The following EDA variants were observed in gnomAD, a reference collection of about 807,000 sequenced individuals.
The protein encoded by EDA is ectodysplasin A.
Under a neutral mutation model 23.6 loss-of-function variants are expected in EDA, and 2 were observed. The observed-to-expected ratio is 0.08, with a 90% CI of 0.03 to 0.27. EDA has a LOEUF of 0.27. EDA is among the 10% of genes least tolerant of loss of function. The probability of loss-of-function intolerance (pLI) is 1.00; values close to 1 mark genes in which losing one functional copy is unlikely to be tolerated. For synonymous variants in EDA, 131 were observed against 132.0 expected, an observed-to-expected ratio of 0.99 and a Z score of 0.05; for missense variants, 229 against 324.2, an observed-to-expected ratio of 0.71 and a Z score of 2.26.
chrX:69,738,346 G>A (rs1246887423), intron 1 of EDA, among the ~76,000 whole-genome samples: 1 of 108,828 alleles, frequency 9.2e-6, no homozygotes, highest in Admixed American at 1.0e-4. Context: ...AATCTTCAGA[G>A]CTTTCATTTT....
At chrX:69,653,866 A>T (rs1164369350) in intron 1 of EDA, among the ~76,000 whole-genome samples, 4 of 111,902 alleles carry the variant, frequency 3.6e-5, no homozygotes, top group Non-Finnish European at 5.6e-5. Context: ...AACCTAGGCA[A>T]TACCATTCAG....
At chrX:69,907,859 CAGA>C (rs199551848) in intron 1 of EDA, among the ~76,000 whole-genome samples, 1,376 of 110,161 alleles carry the variant, frequency 0.012, 13 homozygotes, top group African/African-American at 0.041. Flanking sequence ...TCTCTAATCC[CAGA>C]AGAACTAGAT....
At chrX:69,702,911 G>A (rs1287041437) in intron 1 of EDA, among the ~76,000 whole-genome samples, 3 of 110,705 alleles carry the variant, frequency 2.7e-5, no homozygotes, top group African/African-American at 9.9e-5. Context: ...AAAAGACAAG[G>A]TGTTTAGGGC....
chrX:69,970,416 C>T (rs910668256), intron 2 of EDA, among the ~76,000 whole-genome samples: 2 of 110,999 alleles, frequency 1.8e-5, no homozygotes, highest in African/African-American at 6.6e-5. Context: ...TTAGTATCAA[C>T]TGTAAAATGA....
At chrX:69,748,413 G>A (rs752443922) in intron 1 of EDA, among the ~76,000 whole-genome samples, 1 of 111,536 alleles carries the variant, frequency 9.0e-6, no homozygotes, top group Non-Finnish European at 1.9e-5. Flanking sequence ...ATGACCACAG[G>A]GATAGGCAAA....
chrX:69,902,509 G>A (rs981612088), intron 1 of EDA, among the ~76,000 whole-genome samples: 2 of 111,440 alleles, frequency 1.8e-5, no homozygotes, highest in African/African-American at 6.5e-5. Flanking sequence ...ATGGGGAACA[G>A]TCTGTAATGA....
intron 1 of EDA, among the ~76,000 whole-genome samples, chrX:69,681,118 A>C (rs766400455): frequency 0.014 from 1,541 of 111,067 alleles, 19 homozygotes; most frequent in African/African-American, 0.046. Flanking sequence ...TGGGTTGAAG[A>C]TTCTTTTCTT....
At position 69,677,002 on chromosome X, in the gene EDA, C is replaced by T. The variant is rs775851687; in HGVS notation, c.396+60298C>T. On this transcript the variant is annotated intron_variant, in intron 1 of 7. Transcript: ENST00000374552. ...CCTCCCCCCACCCCACAACTGGCCC[C>T]AGAGTGTGATGTTCCCCTTCCTGTG... is the stretch of plus-strand genomic sequence containing the variant. Among the ~76,000 whole-genome samples the T allele has an allele frequency of 2.3e-3, 191 of 84,721 alleles. 1 individual carries two copies. The highest frequency in any genetic ancestry group is 7.9e-3 in the African/African-American group (181 of 22,779). 73.6% of individuals were successfully genotyped at this position (84,721 alleles called of 115,157 possible). A position where few individuals can be genotyped will look rare whatever the true frequency, so the allele number is the denominator to read the frequency against.
In EDA at chrX:69,645,588, ATATATGTGTGTGTG is replaced by A. The variant is rs760871464; in HGVS notation, c.396+28890_396+28903del. 4.6e-4 allele frequency among the ~76,000 whole-genome samples: 23 copies of A among 49,645 alleles called. 1 individual carries two copies. Among genetic ancestry groups the A allele is most frequent in the African/African-American group, 3.8e-4 (3 of 7,938 alleles). 43.1% of individuals were successfully genotyped at this position (49,645 alleles called of 115,157 possible). ...GCTCTTAGTTCTCTAGTTCTTTTATATATATGTGTGTGTGTATATATATATATGTGTGTGTATAT... is the reference window on the plus strand; with the variant it reads ...GCTCTTAGTTCTCTAGTTCTTTTATATATATATATATATGTGTGTGTATAT... On this transcript the variant is annotated intron_variant, in intron 1 of 7. Transcript: ENST00000374552.
At chrX:69,679,301 T>A (rs1030310151) in intron 1 of EDA, among the ~76,000 whole-genome samples, 2 of 104,575 alleles carry the variant, frequency 1.9e-5, no homozygotes, top group African/African-American at 7.0e-5. Flanking sequence ...GTTGTGTCTC[T>A]GCCCGGCTTT....
intron 1 of EDA, among the ~76,000 whole-genome samples, chrX:69,782,883 CAT>C (rs774197792): frequency 2.7e-5 from 3 of 111,822 alleles, no homozygotes; most frequent in Non-Finnish European, 5.6e-5. Flanking sequence ...GGGTAACTAA[CAT>C]GTGGTGTTTT....
At chrX:69,861,268 A>G (rs1405054844) in intron 1 of EDA, 2 of 176,571 alleles carry the variant, frequency 1.1e-5, no homozygotes, top group Non-Finnish European at 2.1e-5. Flanking sequence ...GAAAAACTAT[A>G]TAGAAAGAAA....
intron 2 of EDA, among the ~76,000 whole-genome samples, chrX:69,968,440 C>T (rs1279948765): frequency 1.8e-5 from 2 of 111,792 alleles, no homozygotes; most frequent in African/African-American, 6.5e-5. Context: ...TTCCTCTCGG[C>T]ATGAGGCTTA....
At chrX:69,651,961 C>T (rs1933121005) in intron 1 of EDA, among the ~76,000 whole-genome samples, 1 of 110,309 alleles carries the variant, frequency 9.1e-6, no homozygotes, top group Non-Finnish European at 1.9e-5. Flanking sequence ...TCTGATGATA[C>T]CCTTCTCAAT....
At position 69,961,032 on chromosome X, in the gene EDA, AAAG is replaced by A. The variant is rs1344725464; in HGVS notation, c.502+3903_502+3905del. ...AAACTCCATCCAAAAAAAGAAAAAA[AAAG>A]AAAGAAAGAAAGAAAGAAAAAGAAA... is the stretch of plus-strand genomic sequence containing the variant. On this transcript the variant is annotated intron_variant, in intron 2 of 7. Coordinates refer to ENST00000374552, the MANE Select transcript of EDA (RefSeq NM_001399.5). Among the ~76,000 whole-genome samples the A allele has an allele frequency of 8.8e-3, 924 of 104,800 alleles. 8 individuals are homozygous for A. The highest frequency in any genetic ancestry group is 0.03 in the African/African-American group (854 of 28,527). The allele number at this position is 104,800 out of a possible 115,157, so 91.0% of individuals were successfully genotyped here. A position where few individuals can be genotyped will look rare whatever the true frequency, so the allele number is the denominator to read the frequency against.
intron 2 of EDA, among the ~76,000 whole-genome samples, chrX:69,991,360 T>A (rs1430435830): frequency 2.7e-5 from 3 of 111,344 alleles, no homozygotes; most frequent in Non-Finnish European, 5.6e-5. Context: ...GTAATTCCAA[T>A]GACAATTTTG....
intron 1 of EDA, among the ~76,000 whole-genome samples, chrX:69,779,495 C>G (rs1348134546): frequency 9.0e-6 from 1 of 110,816 alleles, no homozygotes; most frequent in Non-Finnish European, 1.9e-5. Flanking sequence ...AGATAGAAAG[C>G]AGATCAGTGG....
intron 1 of EDA, among the ~76,000 whole-genome samples, chrX:69,904,354 CTT>C: frequency 9.3e-6 from 1 of 107,408 alleles, no homozygotes; most frequent in Admixed American, 1.0e-4. Flanking sequence ...CTCTTCCCCT[CTT>C]TTTTTTTTCT....
chrX:69,788,996 GC>G (rs1452443306), intron 1 of EDA, among the ~76,000 whole-genome samples: 1 of 112,785 alleles, frequency 8.9e-6, no homozygotes, highest in Non-Finnish European at 1.9e-5. Flanking sequence ...ATCTCGTGGT[GC>G]CCCGTTTTTT....
Sources: gnomAD v4.1 joint callset for allele counts (sites outside exome capture counted in the v4.1 genomes callset) on GRCh38, gnomAD v4.1.1 for gene constraint, MANE v1.5 for transcripts, NCBI Gene and HGNC (gene_info 2026-07-23, HGNC 2026-07-21) for gene names.